The following FCHSD2 variants were observed in gnomAD, a reference collection of about 807,000 sequenced individuals.
FCHSD2 encodes the protein FCH and double SH3 domains 2, also known as F-BAR and double SH3 domains protein 2.
FCHSD2 carries 38 observed loss-of-function variants against 108.1 expected under a neutral mutation model. The ratio of observed to expected loss-of-function variants is 0.35; its 90% CI spans 0.27 to 0.46. The LOEUF is 0.46. Ranked by LOEUF, FCHSD2 falls within the 20% of genes least tolerant of loss-of-function variation. FCHSD2 has a pLI of 1.00. For missense variants in FCHSD2, 751 were observed against 897.8 expected (o/e 0.84, Z 2.09); for synonymous variants, 279 against 314.7 (o/e 0.89, Z 1.20).
intron 15 of FCHSD2, 35 bp from the exon 16 acceptor site, chr11:72,843,363 C>T (rs1861025030): frequency 7.9e-7 from 1 of 1,265,634 alleles, no homozygotes; most frequent in African/African-American, 1.5e-5. Context: ...CAAGTTTACA[C>T]ACACAATTTA....
chr11:72,841,303 C>G, intron 18 of FCHSD2, 151 bp downstream of exon 18: 2 of 796,482 alleles, frequency 2.5e-6, no homozygotes, highest in African/African-American at 1.9e-5. Context: ...TGAACTCCAG[C>G]CTGGGTGTCC....
At chr11:72,901,655 T>C (rs923178995) in intron 10 of FCHSD2, among the ~76,000 whole-genome samples, 3 of 152,010 alleles carry the variant, frequency 2.0e-5, no homozygotes, top group Non-Finnish European at 4.4e-5. Context: ...TGGTTAAAAA[T>C]GGTAATTTTT....
At chr11:72,958,630 C>T (rs1856760851) in intron 8 of FCHSD2, among the ~76,000 whole-genome samples, 1 of 152,138 alleles carries the variant, frequency 6.6e-6, no homozygotes, top group African/African-American at 2.4e-5. Flanking sequence ...TATACTGATC[C>T]ATCAGTTTCG....
intron 2 of FCHSD2, among the ~76,000 whole-genome samples, chr11:73,084,348 A>G (rs1370649486): frequency 6.6e-6 from 1 of 152,128 alleles, no homozygotes; most frequent in East Asian, 1.9e-4. Context: ...CACTTTCCAT[A>G]CATGTATTAT....
intron 19 of FCHSD2, among the ~76,000 whole-genome samples, chr11:72,839,652 A>G (rs1340107271): frequency 6.6e-6 from 1 of 152,174 alleles, no homozygotes; most frequent in African/African-American, 2.4e-5. Flanking sequence ...TGGGGGTTCC[A>G]TTTACCAAGA....
At chr11:72,890,529 C>G (rs1056008004) in intron 10 of FCHSD2, among the ~76,000 whole-genome samples, 2 of 152,160 alleles carry the variant, frequency 1.3e-5, no homozygotes, top group Non-Finnish European at 2.9e-5. Context: ...GATAAGGGTG[C>G]TAGATCAAAT....
Position 72,842,609 on chromosome 11 carries a change from C to G in FCHSD2, c.1926+12G>C. 6.2e-7 allele frequency: 1 copy of G among 1,613,904 alleles called. No homozygotes were observed. Among genetic ancestry groups the G allele is most frequent in the Non-Finnish European group, 8.5e-7 (1 of 1,179,856 alleles). On this transcript the variant is annotated intron_variant, in intron 17 of 19. Coordinates refer to ENST00000409418, the MANE Select transcript of FCHSD2 (RefSeq NM_014824.3). ...AACATCTTTTAATTCAACTGTCTCC[C>G]CTCTCAGGTACCTGAATCTCTCTCA...
At chr11:73,116,829 G>A (rs536503422) in intron 2 of FCHSD2, among the ~76,000 whole-genome samples, 3 of 152,212 alleles carry the variant, frequency 2.0e-5, no homozygotes, top group Non-Finnish European at 2.9e-5. Context: ...GAGCCACAGC[G>A]CCTGGCCCAT....
intron 10 of FCHSD2, among the ~76,000 whole-genome samples, chr11:72,894,220 T>TGTA (rs1379107961): frequency 2.0e-5 from 3 of 152,210 alleles, no homozygotes; most frequent in African/African-American, 7.2e-5. Context: ...GAATTTGTAC[T>TGTA]ACTTACATTT....
At chr11:72,921,097 C>T (rs959812101) in intron 9 of FCHSD2, among the ~76,000 whole-genome samples, 47 of 152,116 alleles carry the variant, frequency 3.1e-4, no homozygotes, top group African/African-American at 1.1e-3. Flanking sequence ...TGAACTGGAT[C>T]TTTTAAAGTA....
intron 4 of FCHSD2, among the ~76,000 whole-genome samples, chr11:73,007,959 G>A (rs1454819862): frequency 6.6e-6 from 1 of 152,112 alleles, no homozygotes; most frequent in African/African-American, 2.4e-5. Context: ...AAAGTAAAAA[G>A]TGTTTAAGAT....
chr11:72,910,878 T>C (rs894795624), intron 9 of FCHSD2, among the ~76,000 whole-genome samples: 2 of 151,294 alleles, frequency 1.3e-5, no homozygotes, highest in Admixed American at 6.6e-5. Flanking sequence ...GAGCTCCTTA[T>C]ATATTCTCAT....
At position 72,889,102 on chromosome 11, in the gene FCHSD2, C is replaced by T. The variant is rs11823409; in HGVS notation, c.1041+727G>A. ...CCCGAGTAGCTGGGACTACAGGTGC[C>T]CGCCACCACACTCGGCTAATTTTTT... On this transcript the variant is annotated intron_variant, in intron 11 of 19. Coordinates refer to ENST00000409418, the MANE Select transcript of FCHSD2 (RefSeq NM_014824.3). Among the ~76,000 whole-genome samples, 1,037 of 152,040 alleles carry T rather than the reference C, an allele frequency of 6.8e-3. 8 individuals carry two copies. The highest frequency in any genetic ancestry group is 0.024 in the African/African-American group (982 of 41,466).
intron 5 of FCHSD2, among the ~76,000 whole-genome samples, chr11:72,994,630 G>T (rs984737100): frequency 6.6e-6 from 1 of 152,048 alleles, no homozygotes; most frequent in Non-Finnish European, 1.5e-5. Flanking sequence ...GCTGGGTGTG[G>T]TGGTGGGCGC....
chr11:73,125,082 T>C (rs1860821980), intron 2 of FCHSD2, among the ~76,000 whole-genome samples: 1 of 152,126 alleles, frequency 6.6e-6, no homozygotes, highest in Non-Finnish European at 1.5e-5. Context: ...TTTTCAGACA[T>C]ATGAAAGCTA....
chr11:72,937,257 A>C (rs929150039), intron 8 of FCHSD2, among the ~76,000 whole-genome samples: 2 of 152,212 alleles, frequency 1.3e-5, no homozygotes, highest in Non-Finnish European at 2.9e-5. Flanking sequence ...ATTAGACAGT[A>C]AATAGGACTG....
rs1860802800 is a variant in FCHSD2, at chr11:72,838,558, G to T, written c.*233C>A. ...GCCCCCCTCTTTGCTCCTAGGGTCC[G>T]CTAGGATTTGTGCTATGGTAGGAGA... On this transcript the variant is annotated 3_prime_UTR_variant, in exon 20 of 20. Coordinates refer to ENST00000409418, the MANE Select transcript of FCHSD2 (RefSeq NM_014824.3). 3.6e-6 allele frequency: 2 copies of T among 555,706 alleles called. No individual in the cohort carries two copies. Among genetic ancestry groups the T allele is most frequent in the South Asian group, 2.1e-5 (1 of 48,090 alleles). The allele number at this position is 555,706 out of a possible 1,614,324, so 34.4% of individuals were successfully genotyped here.
chr11:73,011,317 G>A (rs1857859275), intron 4 of FCHSD2, among the ~76,000 whole-genome samples: 1 of 152,164 alleles, frequency 6.6e-6, no homozygotes, highest in Non-Finnish European at 1.5e-5. Flanking sequence ...CCCTGCCACT[G>A]GAAAAGGGAG....
At chr11:72,957,575 G>C (rs1236882417) in intron 8 of FCHSD2, among the ~76,000 whole-genome samples, 1 of 150,880 alleles carries the variant, frequency 6.6e-6, no homozygotes, top group African/African-American at 2.4e-5. Flanking sequence ...TCCTGGATTG[G>C]ATCTCAAGTC....
Sources: gnomAD v4.1 joint callset for allele counts (sites outside exome capture counted in the v4.1 genomes callset) on GRCh38, gnomAD v4.1.1 for gene constraint, MANE v1.5 for transcripts, NCBI Gene and HGNC (gene_info 2026-07-23, HGNC 2026-07-21) for gene names.